The following GRM5 variants were observed in gnomAD, a reference collection of about 807,000 sequenced individuals.
GRM5 encodes glutamate metabotropic receptor 5.
A neutral mutation model predicts 83.1 loss-of-function variants in GRM5; 19 were observed. That is an observed-to-expected ratio of 0.23 (90% CI 0.16 to 0.34). The LOEUF (loss-of-function observed/expected upper bound fraction) is 0.34, where lower values mean the gene tolerates loss of function less well. Among genes scored for constraint, GRM5 ranks in the 10% least tolerant of loss-of-function variants. The pLI is 1.00. For synonymous variants in GRM5, 675 were observed against 633.6 expected (o/e 1.07, Z -0.98); for missense variants, 1,160 against 1,588.3 (o/e 0.73, Z 4.58).
intron 3 of GRM5, among the ~76,000 whole-genome samples, chr11:88,701,476 C>T (rs1356138902): frequency 6.6e-6 from 1 of 152,082 alleles, no homozygotes; most frequent in Non-Finnish European, 1.5e-5. Flanking sequence ...ATAACAATAG[C>T]AACAGCTGAG....
intron 7 of GRM5, among the ~76,000 whole-genome samples, chr11:88,576,242 T>C (rs2135186027): frequency 6.6e-6 from 1 of 152,324 alleles, no homozygotes; most frequent in Middle Eastern, 3.4e-3. Context: ...TTGATGAGTA[T>C]GACTTTTCTG....
chr11:89,011,399 C>T (rs572683986), intron 2 of GRM5, among the ~76,000 whole-genome samples: 5 of 152,176 alleles, frequency 3.3e-5, no homozygotes, highest in South Asian at 2.1e-4. Flanking sequence ...TTGTGAATAT[C>T]GTGGGAATAA....
chr11:88,718,795 A>G (rs1400922369), intron 3 of GRM5, among the ~76,000 whole-genome samples: 1 of 152,002 alleles, frequency 6.6e-6, no homozygotes, highest in Admixed American at 6.6e-5. Flanking sequence ...AATCACCTTT[A>G]TAGACTAAAG....
chr11:88,778,268 G>A (rs1405233743), intron 3 of GRM5, among the ~76,000 whole-genome samples: 2 of 152,240 alleles, frequency 1.3e-5, no homozygotes, highest in African/African-American at 4.8e-5. Context: ...AGCCAGGCAT[G>A]GGAGAGAATC....
intron 2 of GRM5, among the ~76,000 whole-genome samples, chr11:89,024,207 C>G (rs557454887): frequency 5.8e-4 from 88 of 152,258 alleles, no homozygotes; most frequent in Non-Finnish European, 8.8e-4. Context: ...GAGTGAGACT[C>G]TATCTTAATA....
At chr11:88,691,534 T>C (rs1406228472) in intron 3 of GRM5, among the ~76,000 whole-genome samples, 1 of 152,234 alleles carries the variant, frequency 6.6e-6, no homozygotes, top group East Asian at 1.9e-4. Context: ...TATCATTGAC[T>C]GTTTTATACC....
intron 8 of GRM5, among the ~76,000 whole-genome samples, chr11:88,541,309 T>G (rs1942261958): frequency 6.6e-6 from 1 of 152,240 alleles, no homozygotes; most frequent in African/African-American, 2.4e-5. Flanking sequence ...TGCTAGGTCC[T>G]AAGCTAGGAG....
chr11:88,689,174 C>T (rs1011535949), intron 3 of GRM5, among the ~76,000 whole-genome samples: 2 of 152,048 alleles, frequency 1.3e-5, no homozygotes, highest in Non-Finnish European at 2.9e-5. Context: ...ACAAAACATG[C>T]CTCCTTATTT....
At chr11:88,659,413 C>A (rs1459136428) in intron 3 of GRM5, among the ~76,000 whole-genome samples, 1 of 152,028 alleles carries the variant, frequency 6.6e-6, no homozygotes, top group African/African-American at 2.4e-5. Flanking sequence ...ATGTTCGTAC[C>A]TGTGGTTCCA....
intron 1 of GRM5, among the ~76,000 whole-genome samples, chr11:89,052,123 C>T (rs1941774661): frequency 6.6e-6 from 1 of 152,124 alleles, no homozygotes; most frequent in Admixed American, 6.6e-5. Flanking sequence ...TAATGATCTT[C>T]TTTTGCAAAT....
At chr11:88,549,855 T>G (rs917232606) in intron 8 of GRM5, among the ~76,000 whole-genome samples, 2 of 152,128 alleles carry the variant, frequency 1.3e-5, no homozygotes, top group Non-Finnish European at 2.9e-5. Flanking sequence ...TGATTACATT[T>G]TCACTTTAGG....
At chr11:88,816,088 C>CT (rs1344737877) in intron 3 of GRM5, among the ~76,000 whole-genome samples, 10 of 147,410 alleles carry the variant, frequency 6.8e-5, no homozygotes, top group South Asian at 2.1e-4. Context: ...TGGCGGGCGC[C>CT]TGTAGTCCCA....
At chr11:88,722,291 T>C (rs1028183978) in intron 3 of GRM5, among the ~76,000 whole-genome samples, 7 of 152,278 alleles carry the variant, frequency 4.6e-5, no homozygotes, top group African/African-American at 1.4e-4. Flanking sequence ...ACTGTAAGGA[T>C]GCCCTGATGA....
At chr11:88,721,437 G>T (rs1359033050) in intron 3 of GRM5, among the ~76,000 whole-genome samples, 1 of 152,056 alleles carries the variant, frequency 6.6e-6, no homozygotes, top group Non-Finnish European at 1.5e-5. Context: ...CTGTACAAAA[G>T]TTAGACCACT....
At chr11:88,519,810 G>A (rs1012707112) in intron 9 of GRM5, among the ~76,000 whole-genome samples, 1 of 152,154 alleles carries the variant, frequency 6.6e-6, no homozygotes, top group Non-Finnish European at 1.5e-5. Context: ...GCCTTGGATA[G>A]TAAGAGCACA....
rs556350574 is a variant in GRM5, at chr11:88,625,027, C to A, written c.1148-20063G>T. Among the ~76,000 whole-genome samples, 58 of 152,184 alleles carry A rather than the reference C, an allele frequency of 3.8e-4. 1 individual carries two copies. The highest frequency in any genetic ancestry group is 1.3e-3 in the African/African-American group (56 of 41,522). On this transcript the variant is annotated intron_variant, in intron 4 of 9. Transcript: ENST00000305447. ...ACAGTCTTACCAAACAATGACTGTA[C>A]CTCATATGTGAAATTAAAATGCCTT...
intron 2 of GRM5, among the ~76,000 whole-genome samples, chr11:89,022,762 C>G (rs1379028971): frequency 6.6e-6 from 1 of 152,104 alleles, no homozygotes; most frequent in Non-Finnish European, 1.5e-5. Context: ...TCAAATAGAA[C>G]TGCAATAAAC....
At chr11:88,557,737 G>A (rs998115700) in intron 8 of GRM5, among the ~76,000 whole-genome samples, 2 of 150,438 alleles carry the variant, frequency 1.3e-5, no homozygotes, top group African/African-American at 2.5e-5. Context: ...CGGTTTTCAC[G>A]TGGCTTAATC....
intron 3 of GRM5, among the ~76,000 whole-genome samples, chr11:88,824,764 C>A (rs930653885): frequency 6.6e-6 from 1 of 152,154 alleles, no homozygotes; most frequent in East Asian, 1.9e-4. Flanking sequence ...CCTGTACTGG[C>A]CCTTGGCCTG....
Sources: gnomAD v4.1 joint callset for allele counts (sites outside exome capture counted in the v4.1 genomes callset) on GRCh38, gnomAD v4.1.1 for gene constraint, MANE v1.5 for transcripts, NCBI Gene and HGNC (gene_info 2026-07-23, HGNC 2026-07-21) for gene names.